Variants in GXYLT1 observed in about 807,000 individuals in gnomAD.
GXYLT1 encodes the protein glucoside xylosyltransferase 1, also known as glycosyltransferase 8 domain containing 3.
In GXYLT1, 29 loss-of-function variants were observed where a neutral mutation model predicts 54.0. The ratio of observed to expected loss-of-function variants is 0.54; its 90% confidence interval spans 0.40 to 0.73. The LOEUF (loss-of-function observed/expected upper bound fraction) is 0.73. GXYLT1 is among the 30% of genes least tolerant of loss of function. The pLI is 0.00. For synonymous variants in GXYLT1, 176 were observed against 204.1 expected (o/e 0.86, Z 1.17); for missense variants, 490 against 553.4 (o/e 0.89, Z 1.15).
chr12:42,112,590 G>GA (rs762808443), intron 3 of GXYLT1, among the ~76,000 whole-genome samples: 1 of 152,080 alleles, frequency 6.6e-6, no homozygotes, highest in African/African-American at 2.4e-5. Flanking sequence ...GAAGTTTAGA[G>GA]AAAAAAGATA....
rs1348189858 is a variant in GXYLT1, at chr12:42,133,395, A to T, written c.222-3544T>A. On this transcript the variant is annotated intron_variant, in intron 1 of 7. Transcript: ENST00000398675. ...TGAATATAATACTGTACCAATGTCC[A>T]GGCCCTTCCCTTAAGAGCTCCACAT... is the stretch of plus-strand genomic sequence containing the variant. 3.3e-5 allele frequency among the ~76,000 whole-genome samples: 5 copies of T among 152,318 alleles called. No homozygotes were observed. In the East Asian group the frequency reaches 9.6e-4, roughly 29 times the overall value.
Position 42,085,426 on chromosome 12 carries a change from G to C in GXYLT1, c.*2360C>G, listed in dbSNP as rs535673208. On this transcript the variant is annotated 3_prime_UTR_variant, in exon 8 of 8. Transcript: ENST00000398675. The stretch of plus-strand genomic sequence containing the variant: ...AGAGCCCATGGGGCTGAGATTCTCC[G>C]TTCACTGAGGAAATTTTATCTTATC... 6.6e-6 allele frequency: 1 copy of C among 152,256 alleles called. No individual in the cohort carries two copies. The highest frequency in any genetic ancestry group is 1.5e-5 in the Non-Finnish European group (1 of 68,046). The allele number at this position is 152,256 out of a possible 1,614,324, so 9.4% of individuals were successfully genotyped here. A position where few individuals can be genotyped will look rare whatever the true frequency, so the allele number is the denominator to read the frequency against.
intron 3 of GXYLT1, among the ~76,000 whole-genome samples, chr12:42,116,846 C>T (rs1331478466): frequency 6.6e-6 from 1 of 152,112 alleles, no homozygotes; most frequent in Non-Finnish European, 1.5e-5. Flanking sequence ...TATTGTGGCA[C>T]TATTCACAAT....
intron 1 of GXYLT1, among the ~76,000 whole-genome samples, chr12:42,140,197 A>AAGGGGGG (rs2065643747): frequency 6.4e-5 from 2 of 31,300 alleles, no homozygotes; most frequent in African/African-American, 2.8e-4. Flanking sequence ...AAAAAAAAAA[A>AAGGGGGG]GGCGGGGGGG....
chr12:42,115,274 T>C (rs2065486678), intron 3 of GXYLT1, among the ~76,000 whole-genome samples: 1 of 152,212 alleles, frequency 6.6e-6, no homozygotes, highest in African/African-American at 2.4e-5. Context: ...TTGGAAGTTC[T>C]GGCCAGGGCA....
chr12:42,120,675 T>C (rs1450703336), intron 2 of GXYLT1, among the ~76,000 whole-genome samples: 1 of 150,338 alleles, frequency 6.7e-6, no homozygotes, highest in African/African-American at 2.4e-5. Flanking sequence ...GGACCACAGA[T>C]GTGCGACCAC....
At chr12:42,140,317 A>G (rs529675630) in intron 1 of GXYLT1, among the ~76,000 whole-genome samples, 1 of 150,652 alleles carries the variant, frequency 6.6e-6, no homozygotes, top group Admixed American at 6.7e-5. Flanking sequence ...CCTGGACCCC[A>G]CTGCCAGGGC....
At chr12:42,139,538 A>G (rs2065639875) in intron 1 of GXYLT1, among the ~76,000 whole-genome samples, 1 of 152,178 alleles carries the variant, frequency 6.6e-6, no homozygotes, top group East Asian at 1.9e-4. Context: ...AGAAGGCGCC[A>G]TCTATGAACC....
chr12:42,123,500 G>C (rs1239752336), intron 2 of GXYLT1, among the ~76,000 whole-genome samples: 1 of 152,008 alleles, frequency 6.6e-6, no homozygotes, highest in Admixed American at 6.6e-5. Flanking sequence ...GGAGGTAGGG[G>C]TTTATCATAA....
chr12:42,133,747 A>G (rs2065605011), intron 1 of GXYLT1, among the ~76,000 whole-genome samples: 1 of 152,224 alleles, frequency 6.6e-6, no homozygotes, highest in African/African-American at 2.4e-5. Context: ...AACACTGGCA[A>G]CACTATAGTG....
intron 3 of GXYLT1, among the ~76,000 whole-genome samples, chr12:42,112,962 G>A (rs529031459): frequency 2.6e-5 from 4 of 151,288 alleles, no homozygotes; most frequent in East Asian, 1.9e-4. Context: ...CCAGAAGAGA[G>A]TGGGGACCAA....
chr12:42,141,818 C>A (rs2065653822), intron 1 of GXYLT1, among the ~76,000 whole-genome samples: 1 of 152,170 alleles, frequency 6.6e-6, no homozygotes, highest in African/African-American at 2.4e-5. Context: ...GACTACAAGA[C>A]CCATGTATTT....
chr12:42,098,543 T>C (rs2065370615), intron 5 of GXYLT1, among the ~76,000 whole-genome samples: 1 of 151,628 alleles, frequency 6.6e-6, no homozygotes, highest in Admixed American at 6.6e-5. Flanking sequence ...ATACACAACT[T>C]AAGTTAAACA....
chr12:42,091,683 A>G (rs2065330170), intron 7 of GXYLT1, among the ~76,000 whole-genome samples: 1 of 152,246 alleles, frequency 6.6e-6, no homozygotes, highest in Non-Finnish European at 1.5e-5. Context: ...TAGAAGCTGT[A>G]TCTGTCAAGT....
chr12:42,130,508 A>T (rs944079990), intron 1 of GXYLT1, among the ~76,000 whole-genome samples: 2 of 152,188 alleles, frequency 1.3e-5, no homozygotes, highest in African/African-American at 4.8e-5. Flanking sequence ...GGAAACACTC[A>T]TACACTGCTG....
intron 5 of GXYLT1, among the ~76,000 whole-genome samples, chr12:42,098,466 G>T (rs2065370119): frequency 6.6e-6 from 1 of 151,568 alleles, no homozygotes; most frequent in Non-Finnish European, 1.5e-5. Context: ...TGATTTATTT[G>T]CTTAACTTCT....
chr12:42,094,347 G>C, intron 7 of GXYLT1, among the ~76,000 whole-genome samples: 1 of 107,656 alleles, frequency 9.3e-6, no homozygotes, highest in Non-Finnish European at 1.9e-5. Flanking sequence ...GCATAACCCT[G>C]CCTCAAAAAA....
Position 42,131,037 on chromosome 12 carries a change from T to C in GXYLT1, c.222-1186A>G, listed in dbSNP as rs140500269. Among the ~76,000 whole-genome samples the C allele has an allele frequency of 3.3e-4, 50 of 152,326 alleles. 1 individual carries two copies. In the East Asian group the frequency reaches 8.9e-3, roughly 27 times the overall value. On this transcript the variant is annotated intron_variant, in intron 1 of 7. Transcript: ENST00000398675. ...GCTGATATTCACAGCCTAGTATCAT[T>C]ATCTACATAATCTCAGTTCCATATT...
At chr12:42,100,554 GA>G (rs534838064) in intron 5 of GXYLT1, among the ~76,000 whole-genome samples, 3,192 of 143,896 alleles carry the variant, frequency 0.022, 112 homozygotes, top group African/African-American at 0.072. Flanking sequence ...CAGAATTCAT[GA>G]AAAAAAAAAA....
Sources: gnomAD v4.1 joint callset for allele counts (sites outside exome capture counted in the v4.1 genomes callset) on GRCh38, gnomAD v4.1.1 for gene constraint, MANE v1.5 for transcripts, NCBI Gene and HGNC (gene_info 2026-07-23, HGNC 2026-07-21) for gene names.